Variants in MED27 observed in about 807,000 individuals in gnomAD.
MED27 encodes the protein mediator complex subunit 27.
MED27 carries 30 observed loss-of-function variants against 38.2 expected under a neutral mutation model. The observed-to-expected ratio is 0.79, with a 90% CI of 0.59 to 1.07. MED27 has a LOEUF of 1.07. Among genes scored for constraint, MED27 ranks in the 50% least tolerant of loss-of-function variants. The pLI, the probability that MED27 is intolerant of heterozygous loss-of-function variation, is 0.00. For missense variants in MED27, 289 were observed against 397.5 expected (o/e 0.73, Z 2.32); for synonymous variants, 122 against 153.5 (o/e 0.79, Z 1.52).
Position 132,079,685 on chromosome 9 carries a change from C to G in MED27, c.160G>C (p.Ala54Pro), listed in dbSNP as rs766504624. The stretch of plus-strand genomic sequence containing the variant: ...GAATGTAAGTTGTCCTGGAAGTGCG[C>G]AATAAAGGCCTTCTCCCGGCCCTCC... ...TLEGREKAFI[A>P]HFQDNLHSVN... Residue 54 changes from alanine to proline, a missense_variant, in exon 1 of 8, where the codon GCG (alanine) becomes CCG (proline). Ala to Pro is a conservative substitution (Grantham distance 27). Coordinates refer to ENST00000292035, the MANE Select transcript of MED27 (RefSeq NM_004269.4). 1.9e-6 allele frequency: 3 copies of G among 1,612,984 alleles called. No individual in the cohort carries two copies. In the Admixed American group the frequency reaches 5.0e-5, roughly 27 times the overall value.
chr9:132,059,012 C>T lies in MED27; in HGVS notation c.348+18430G>A, dbSNP rs551974895. On this transcript the variant is annotated intron_variant, in intron 2 of 7. Coordinates refer to ENST00000292035, the MANE Select transcript of MED27 (RefSeq NM_004269.4). Reference sequence around the variant, plus strand: ...CTTCCCCACCGTGCACACCTCCTTCCCATCCCTGAAGGAACTTTTAAGCCC... The same window carrying T: ...CTTCCCCACCGTGCACACCTCCTTCTCATCCCTGAAGGAACTTTTAAGCCC... Among the ~76,000 whole-genome samples the T allele has an allele frequency of 1.3e-3, 197 of 152,324 alleles. 2 individuals carry two copies. Among genetic ancestry groups the T allele is most frequent in the Middle Eastern group, 3.4e-3 (1 of 294 alleles).
chr9:132,002,871 C>T (rs1212733950), intron 3 of MED27, among the ~76,000 whole-genome samples: 3 of 141,902 alleles, frequency 2.1e-5, no homozygotes, highest in African/African-American at 2.5e-5. Flanking sequence ...GCCAAGATCA[C>T]GCCACTGCAC....
At chr9:132,071,025 T>C (rs1437619755) in intron 2 of MED27, among the ~76,000 whole-genome samples, 1 of 152,220 alleles carries the variant, frequency 6.6e-6, no homozygotes, top group Non-Finnish European at 1.5e-5. Flanking sequence ...CACCACTGCC[T>C]GGAACCTGTC....
intron 2 of MED27, among the ~76,000 whole-genome samples, chr9:132,067,429 T>C (rs903142009): frequency 1.3e-5 from 2 of 152,170 alleles, no homozygotes. Context: ...GAGACCTGAA[T>C]GACTAAGAGT....
chr9:132,001,248 G>C (rs1421106199), intron 3 of MED27, among the ~76,000 whole-genome samples: 1 of 152,180 alleles, frequency 6.6e-6, no homozygotes, highest in Non-Finnish European at 1.5e-5. Context: ...AAAACCTTCA[G>C]GGTAAGAAAT....
chr9:131,985,694 ATTGT>A (rs1291114491), intron 3 of MED27, among the ~76,000 whole-genome samples: 1 of 150,888 alleles, frequency 6.6e-6, no homozygotes, highest in Non-Finnish European at 1.5e-5. Context: ...TATAATTTTA[ATTGT>A]TTTTTTTTTT....
chr9:131,877,525 G>A (rs914251623), intron 6 of MED27, among the ~76,000 whole-genome samples: 5 of 151,944 alleles, frequency 3.3e-5, no homozygotes, highest in Non-Finnish European at 5.9e-5. Context: ...GCAGTGAGCC[G>A]AGACCACACC....
intron 6 of MED27, among the ~76,000 whole-genome samples, chr9:131,874,888 G>T (rs561216065): frequency 6.6e-6 from 1 of 152,164 alleles, no homozygotes; most frequent in Admixed American, 6.5e-5. Flanking sequence ...CTGTAGGAAC[G>T]GCCCTGCAGT....
At chr9:132,055,495 C>T (rs1266530202) in intron 2 of MED27, among the ~76,000 whole-genome samples, 1 of 152,108 alleles carries the variant, frequency 6.6e-6, no homozygotes, top group Non-Finnish European at 1.5e-5. Flanking sequence ...AACAACCAGA[C>T]TAAATTAATA....
At chr9:131,892,045 C>CAGGCTAAACTT (rs1839238392) in intron 5 of MED27, among the ~76,000 whole-genome samples, 1 of 151,588 alleles carries the variant, frequency 6.6e-6, no homozygotes, top group African/African-American at 2.4e-5. Context: ...TTGTTTTAGA[C>CAGGCTAAACTT]AGGCTAAACT....
intron 2 of MED27, among the ~76,000 whole-genome samples, chr9:132,053,634 A>C (rs1172105310): frequency 1.3e-5 from 2 of 152,198 alleles, no homozygotes; most frequent in Non-Finnish European, 1.5e-5. Flanking sequence ...CACCGCTGGG[A>C]AACAGCAGAA....
intron 6 of MED27, among the ~76,000 whole-genome samples, chr9:131,863,694 C>A (rs776907251): frequency 1.3e-5 from 2 of 150,180 alleles, no homozygotes; most frequent in Admixed American, 6.6e-5. Flanking sequence ...GGGAGCCTGG[C>A]AGTTTCTGAG....
At chr9:131,976,650 T>C (rs1281406464) in intron 3 of MED27, among the ~76,000 whole-genome samples, 1 of 152,254 alleles carries the variant, frequency 6.6e-6, no homozygotes, top group Non-Finnish European at 1.5e-5. Context: ...CAAAGAAATA[T>C]CTACAAAGTC....
chr9:131,912,009 T>G (rs1028386646), intron 4 of MED27, among the ~76,000 whole-genome samples: 17 of 152,112 alleles, frequency 1.1e-4, no homozygotes, highest in Non-Finnish European at 1.9e-4. Context: ...TGGCAAATCT[T>G]AAAAAGCAAG....
chr9:132,013,790 G>A (rs186400275), intron 3 of MED27, among the ~76,000 whole-genome samples: 1 of 152,072 alleles, frequency 6.6e-6, no homozygotes, highest in Admixed American at 6.5e-5. Context: ...AATCCTAGGT[G>A]GAAAAGTCAC....
chr9:131,956,275 T>C (rs537849133), intron 3 of MED27, among the ~76,000 whole-genome samples: 9 of 152,280 alleles, frequency 5.9e-5, no homozygotes, highest in South Asian at 2.1e-4. Flanking sequence ...GGAGTGGGAA[T>C]TGGAAGTTAC....
chr9:131,869,261 G>A (rs1838787230), intron 6 of MED27: 1 of 985,406 alleles, frequency 1.0e-6, no homozygotes. Context: ...GAGCACAGGA[G>A]AACTTCACCT....
At chr9:131,986,840 T>G (rs549538793) in intron 3 of MED27, among the ~76,000 whole-genome samples, 1 of 152,260 alleles carries the variant, frequency 6.6e-6, no homozygotes, top group East Asian at 1.9e-4. Context: ...AATGAATCGT[T>G]ACATCCCCAG....
In MED27 at chr9:131,997,904, C is replaced by T. The variant is rs1832127979; in HGVS notation, c.479+16433G>A. Among the ~76,000 whole-genome samples, 4 of 152,190 alleles carry T rather than the reference C, an allele frequency of 2.6e-5. No homozygotes were observed. The South Asian group carries it at 8.3e-4, about 31-fold the overall frequency. ...GTGTTCCTTCCCTCACTGCAGACTG[C>T]TTTGGTTGGTGATCTCTCATCTAAT... is the stretch of plus-strand genomic sequence containing the variant. On this transcript the variant is annotated intron_variant, in intron 3 of 7. Coordinates refer to ENST00000292035, the MANE Select transcript of MED27 (RefSeq NM_004269.4). This position sits in a 1 kb window ranked among gnomAD's most constrained non-coding sequence, Gnocchi z 4.0.
Sources: gnomAD v4.1 joint callset for allele counts (sites outside exome capture counted in the v4.1 genomes callset) on GRCh38, gnomAD v4.1.1 for gene constraint, Gnocchi (gnomAD v3.1) non-coding constraint, MANE v1.5 for transcripts, NCBI Gene and HGNC (gene_info 2026-07-23, HGNC 2026-07-21) for gene names.